Variants in TNFAIP6 observed in about 807,000 individuals in gnomAD.
TNFAIP6 encodes the protein TNF alpha induced protein 6, also known as tumor necrosis factor-inducible gene 6 protein.
Under a neutral mutation model 33.7 loss-of-function variants are expected in TNFAIP6, and 36 were observed. That is an observed-to-expected ratio of 1.07 (90% confidence interval 0.82 to 1.41). The LOEUF is 1.41. Among genes scored for constraint, TNFAIP6 ranks in the 40% most tolerant of loss-of-function variants. The pLI is 0.00. For synonymous variants in TNFAIP6, 113 were observed against 112.8 expected (o/e 1.00, Z -0.01); for missense variants, 273 against 331.9 (o/e 0.82, Z 1.38).
At chr2:151,359,487 C>T (rs1225694166) in intron 1 of TNFAIP6, among the ~76,000 whole-genome samples, 7 of 150,428 alleles carry the variant, frequency 4.7e-5, no homozygotes, top group Non-Finnish European at 1.0e-4. Flanking sequence ...CTCCCAGGTT[C>T]ACGCCATTCT....
intron 2 of TNFAIP6, among the ~76,000 whole-genome samples, chr2:151,364,795 G>GA (rs1415605741): frequency 6.6e-6 from 1 of 151,932 alleles, no homozygotes; most frequent in Non-Finnish European, 1.5e-5. Context: ...CATTACTCAA[G>GA]AAAAAAAATA....
chr2:151,364,098 G>C lies in TNFAIP6; in HGVS notation c.232+18G>C, dbSNP rs1684673766. 1.9e-6 allele frequency: 3 copies of C among 1,611,672 alleles called. No individual in the cohort carries two copies. Among genetic ancestry groups the C allele is most frequent in the Non-Finnish European group, 2.5e-6 (3 of 1,179,124 alleles). Reference sequence around the variant, plus strand: ...AAAAATTGGTAACTGATTTCACAATGATTTTTCTTCTTTTTTATCCTTGGA... The same window carrying C: ...AAAAATTGGTAACTGATTTCACAATCATTTTTCTTCTTTTTTATCCTTGGA... On this transcript the variant is annotated intron_variant, in intron 2 of 5. Coordinates refer to ENST00000243347, the MANE Select transcript of TNFAIP6 (RefSeq NM_007115.4).
chr2:151,359,591 T>C (rs1411395574), intron 1 of TNFAIP6, among the ~76,000 whole-genome samples: 1 of 152,294 alleles, frequency 6.6e-6, no homozygotes, highest in African/African-American at 2.4e-5. Context: ...AGTTTCACCA[T>C]GTTAGCCAGG....
rs1443378261 is a variant in TNFAIP6, at chr2:151,362,491, T to G, written c.95-1452T>G. On this transcript the variant is annotated intron_variant, in intron 1 of 5. Coordinates refer to ENST00000243347, the MANE Select transcript of TNFAIP6 (RefSeq NM_007115.4). ...TGTCTTACTAAATTCTTTTTTTTTTTTTTTTTTTTTTTTTTTTTTGAGACA... is the reference window on the plus strand; with the variant it reads ...TGTCTTACTAAATTCTTTTTTTTTTGTTTTTTTTTTTTTTTTTTTGAGACA... Among the ~76,000 whole-genome samples the G allele has an allele frequency of 1.6e-3, 170 of 108,808 alleles. 3 individuals carry two copies. The highest frequency in any genetic ancestry group is 4.0e-3 in the African/African-American group (113 of 28,470). The allele number at this position is 108,808 out of a possible 152,430, so 71.4% of individuals were successfully genotyped here.
At position 151,377,683 on chromosome 2, in the gene TNFAIP6, G is replaced by A. The variant is rs563877826; in HGVS notation, c.665-1681G>A. 1.4e-3 allele frequency among the ~76,000 whole-genome samples: 208 copies of A among 152,164 alleles called. 1 individual carries two copies. Among genetic ancestry groups the A allele is most frequent in the African/African-American group, 4.4e-3 (181 of 41,512 alleles). On this transcript the variant is annotated intron_variant, in intron 5 of 5. Transcript: ENST00000243347. ...TTAGCCCTTTGAACACCTATGAATT[G>A]CCTATGAATTTATATTTCTTGCATA... is the stretch of plus-strand genomic sequence containing the variant.
chr2:151,360,005 G>A (rs1462583388), intron 1 of TNFAIP6, among the ~76,000 whole-genome samples: 1 of 152,140 alleles, frequency 6.6e-6, no homozygotes, highest in Admixed American at 6.5e-5. Flanking sequence ...GAAAAAGAAG[G>A]GAAAGGAAGG....
intron 1 of TNFAIP6, among the ~76,000 whole-genome samples, chr2:151,362,847 T>C (rs1684651187): frequency 6.6e-6 from 1 of 152,204 alleles, no homozygotes; most frequent in Non-Finnish European, 1.5e-5. Context: ...TTAGCTTATT[T>C]TTCTACGTCA....
intron 1 of TNFAIP6, among the ~76,000 whole-genome samples, chr2:151,362,577 G>A (rs1454482205): frequency 9.5e-5 from 12 of 126,782 alleles, no homozygotes; most frequent in Admixed American, 2.8e-4. Flanking sequence ...TGCAAGCTCC[G>A]CCTCCCGGGT....
intron 1 of TNFAIP6, among the ~76,000 whole-genome samples, chr2:151,361,682 T>C (rs1015412768): frequency 6.6e-6 from 1 of 152,090 alleles, no homozygotes; most frequent in African/African-American, 2.4e-5. Flanking sequence ...TCCTTGAGGA[T>C]AGAACCTGAC....
chr2:151,359,496 C>T (rs1232062642), intron 1 of TNFAIP6, among the ~76,000 whole-genome samples: 1 of 150,998 alleles, frequency 6.6e-6, no homozygotes, highest in Non-Finnish European at 1.5e-5. Context: ...TCACGCCATT[C>T]TCCTGCCTCA....
chr2:151,369,097 G>C (rs1684767154), intron 3 of TNFAIP6, among the ~76,000 whole-genome samples: 1 of 152,122 alleles, frequency 6.6e-6, no homozygotes, highest in African/African-American at 2.4e-5. Flanking sequence ...GAAGGCTGAG[G>C]CATAAGAATT....
At chr2:151,369,404 C>T (rs1379032989) in intron 3 of TNFAIP6, among the ~76,000 whole-genome samples, 1 of 152,096 alleles carries the variant, frequency 6.6e-6, no homozygotes, top group African/African-American at 2.4e-5. Flanking sequence ...ATTCTTCTGC[C>T]TCAGCCTCCC....
intron 1 of TNFAIP6, among the ~76,000 whole-genome samples, chr2:151,361,841 A>G (rs1039244654): frequency 2.0e-5 from 3 of 152,338 alleles, no homozygotes; most frequent in South Asian, 4.1e-4. Context: ...TGTTCCTGGT[A>G]TTCTCTGACC....
intron 1 of TNFAIP6, among the ~76,000 whole-genome samples, chr2:151,363,662 A>AAAAAC (rs898031925): frequency 1.1e-4 from 17 of 152,176 alleles, no homozygotes; most frequent in Non-Finnish European, 2.9e-5. Context: ...TCCGTCTCAA[A>AAAAAC]AAAACAAAAC....
intron 5 of TNFAIP6, among the ~76,000 whole-genome samples, chr2:151,374,032 A>G (rs1351684966): frequency 1.3e-5 from 2 of 152,350 alleles, no homozygotes; most frequent in Non-Finnish European, 2.9e-5. Flanking sequence ...AGAATGTTTC[A>G]AATAACAAAG....
chr2:151,357,896 C>T, intron 1 of TNFAIP6, 136 bp downstream of exon 1: 1 of 515,650 alleles, frequency 1.9e-6, no homozygotes, highest in African/African-American at 1.9e-5. Context: ...GAAAGATAGC[C>T]TTTGGAATAC....
At chr2:151,366,357 A>C in intron 3 of TNFAIP6, 140 bp downstream of exon 3, 2 of 726,362 alleles carry the variant, frequency 2.8e-6, no homozygotes, top group Non-Finnish European at 4.5e-6. Flanking sequence ...CAATTCATAA[A>C]GTGCTTATAC....
At chr2:151,377,519 T>C (rs557515172) in intron 5 of TNFAIP6, among the ~76,000 whole-genome samples, 2 of 152,222 alleles carry the variant, frequency 1.3e-5, no homozygotes, top group East Asian at 3.9e-4. Context: ...ATAAGGCCTG[T>C]CGACTCATAC....
chr2:151,378,399 T>C (rs1459893438), intron 5 of TNFAIP6, among the ~76,000 whole-genome samples: 1 of 152,176 alleles, frequency 6.6e-6, no homozygotes, highest in African/African-American at 2.4e-5. Flanking sequence ...TCTGACATCA[T>C]TTAGTAAATA....
Sources: gnomAD v4.1 joint callset for allele counts (sites outside exome capture counted in the v4.1 genomes callset) on GRCh38, gnomAD v4.1.1 for gene constraint, MANE v1.5 for transcripts, NCBI Gene and HGNC (gene_info 2026-07-23, HGNC 2026-07-21) for gene names.